The following CCNA2 variants were observed in gnomAD, a reference collection of about 807,000 sequenced individuals.
The protein encoded by CCNA2 is cyclin-A2.
CCNA2 carries 3 observed loss-of-function variants against 49.4 expected under a neutral mutation model. The ratio of observed to expected loss-of-function variants is 0.06; its 90% confidence interval spans 0.03 to 0.16. CCNA2 has a LOEUF of 0.16. CCNA2 is among the 10% of genes least tolerant of loss of function. The pLI is 1.00. For synonymous variants in CCNA2, 206 were observed against 197.2 expected, an observed-to-expected ratio of 1.04 and a Z score of -0.37; for missense variants, 372 against 519.7, an observed-to-expected ratio of 0.72 and a Z score of 2.76.
Position 121,819,357 on chromosome 4 carries a change from T to C in CCNA2, c.1002+15A>G. Reference sequence around the variant, plus strand: ...ACCAAAGAATCACCATTCAACAAAATGAAAGTTAACTCACCATTGCTAAAC... The same window carrying C: ...ACCAAAGAATCACCATTCAACAAAACGAAAGTTAACTCACCATTGCTAAAC... On this transcript the variant is annotated intron_variant, in intron 5 of 7. Coordinates refer to ENST00000274026, the MANE Select transcript of CCNA2 (RefSeq NM_001237.5). 1 of 1,597,612 alleles carries C rather than the reference T, an allele frequency of 6.3e-7. No individual in the cohort carries two copies. Among genetic ancestry groups the C allele is most frequent in the Non-Finnish European group, 8.6e-7 (1 of 1,165,318 alleles).
chr4:121,823,818 G>T lies in CCNA2; in HGVS notation c.-190C>A. On this transcript the variant is annotated 5_prime_UTR_variant, in exon 1 of 8. Transcript: ENST00000274026. ...ACGCAGGGCCGAGGAGGTTGCGAAAGGCGCAGGCAGGCACTGCCCAGCGTG... is the reference window on the plus strand; with the variant it reads ...ACGCAGGGCCGAGGAGGTTGCGAAATGCGCAGGCAGGCACTGCCCAGCGTG... The T allele has an allele frequency of 9.2e-7, 1 of 1,088,480 alleles. No homozygotes were observed. The highest frequency in any genetic ancestry group is 1.3e-6 in the Non-Finnish European group (1 of 794,700). 67.4% of individuals were successfully genotyped at this position (1,088,480 alleles called of 1,614,324 possible). A position where few individuals can be genotyped will look rare whatever the true frequency, so the allele number is the denominator to read the frequency against.
chr4:121,817,639 T>C lies in CCNA2; in HGVS notation c.1298A>G (p.Ter433=). ...GAAAACAAAGGCAGTCTTTCATTGTTACAGATTTAGTGTCTCTGGTGGGTT... is the reference window on the plus strand; with the variant it reads ...GAAAACAAAGGCAGTCTTTCATTGTCACAGATTTAGTGTCTCTGGTGGGTT... ...LLNPPETLNL[*] Residue 433 remains the stop codon, a stop_retained_variant, in exon 8 of 8, where the codon TAA becomes TGA. Transcript: ENST00000274026. 6.2e-7 allele frequency: 1 copy of C among 1,614,022 alleles called. No homozygotes were observed. Among genetic ancestry groups the C allele is most frequent in the Non-Finnish European group, 8.5e-7 (1 of 1,179,934 alleles).
Position 121,822,712 on chromosome 4 carries a change from G to C in CCNA2, c.214-66C>G, listed in dbSNP as rs1373853460. The C allele has an allele frequency of 4.6e-6, 7 of 1,518,412 alleles. No homozygotes were observed. In the African/African-American group the frequency reaches 8.4e-5, roughly 18 times the overall value. 94.1% of individuals were successfully genotyped at this position (1,518,412 alleles called of 1,614,324 possible). A position where few individuals can be genotyped will look rare whatever the true frequency, so the allele number is the denominator to read the frequency against. On this transcript the variant is annotated intron_variant, in intron 1 of 7. Coordinates refer to ENST00000274026, the MANE Select transcript of CCNA2 (RefSeq NM_001237.5). Reference sequence around the variant, plus strand: ...TGCATTCTTTCTCTTATGGGTGTTGGCCTTTGCTTTTTCTCCCAAATACTC... The same window carrying C: ...TGCATTCTTTCTCTTATGGGTGTTGCCCTTTGCTTTTTCTCCCAAATACTC...
intron 6 of CCNA2, among the ~76,000 whole-genome samples, chr4:121,818,571 T>C (rs1009518226): frequency 1.3e-5 from 2 of 152,182 alleles, no homozygotes; most frequent in African/African-American, 4.8e-5. Context: ...ATATGGGTTG[T>C]GAATCCCCTG....
rs926344308 is a variant in CCNA2, at chr4:121,817,125, G to A, written c.*513C>T. The A allele has an allele frequency of 5.7e-6, 2 of 348,610 alleles. No individual in the cohort carries two copies. Among genetic ancestry groups the A allele is most frequent in the South Asian group, 4.4e-5 (1 of 22,782 alleles). 21.6% of individuals were successfully genotyped at this position (348,610 alleles called of 1,614,324 possible). On this transcript the variant is annotated 3_prime_UTR_variant, in exon 8 of 8. Transcript: ENST00000274026. ...TAAACAAACAGGTTTTACAAAGAGCGAAAAAGTCTGGGGAATCTCTACTGT... is the reference window on the plus strand; with the variant it reads ...TAAACAAACAGGTTTTACAAAGAGCAAAAAAGTCTGGGGAATCTCTACTGT...
intron 6 of CCNA2, 87 bp downstream of exon 6, chr4:121,818,713 A>G: frequency 1.2e-6 from 1 of 851,312 alleles, no homozygotes; most frequent in Non-Finnish European, 2.0e-6. Flanking sequence ...ACATCTAGGC[A>G]ACCCTCAGTT....
At chr4:121,817,718 T>G (rs1724579209) in intron 7 of CCNA2, 32 bp from the exon 8 acceptor site, 1 of 1,613,060 alleles carries the variant, frequency 6.2e-7, no homozygotes, top group Admixed American at 1.7e-5. Context: ...GCATTTTTAG[T>G]AAACACTCAC....
chr4:121,823,267 C>A, intron 1 of CCNA2, 149 bp downstream of exon 1: 3 of 982,830 alleles, frequency 3.1e-6, no homozygotes, highest in Non-Finnish European at 4.4e-6. Flanking sequence ...CCTACTGTGG[C>A]AAACCACACA....
At chr4:121,823,258 C>T (rs941576478) in intron 1 of CCNA2, among the ~76,000 whole-genome samples, 158 bp downstream of exon 1, 1 of 152,168 alleles carries the variant, frequency 6.6e-6, no homozygotes, top group Non-Finnish European at 1.5e-5. Context: ...GGGAGAACTC[C>T]TACTGTGGCA....
chr4:121,818,755 G>T, intron 6 of CCNA2, 45 bp downstream of exon 6: 2 of 1,142,934 alleles, frequency 1.7e-6, no homozygotes, highest in Non-Finnish European at 2.7e-6. Flanking sequence ...ATCTGGCACA[G>T]GCATTTCAGT....
In CCNA2 at chr4:121,816,950, T is replaced by C. The variant is rs949102818; in HGVS notation, c.*688A>G. The C allele has an allele frequency of 8.3e-7, 1 of 1,201,812 alleles. No homozygotes were observed. The highest frequency in any genetic ancestry group is 1.1e-6 in the Non-Finnish European group (1 of 895,486). The allele number at this position is 1,201,812 out of a possible 1,614,324, so 74.4% of individuals were successfully genotyped here. A position where few individuals can be genotyped will look rare whatever the true frequency, so the allele number is the denominator to read the frequency against. Reference sequence around the variant, plus strand: ...GTATTTTTTATTCACAAATCCATTATAAAATCTAGCAGGATTTTAAAAATA... The same window carrying C: ...GTATTTTTTATTCACAAATCCATTACAAAATCTAGCAGGATTTTAAAAATA... On this transcript the variant is annotated 3_prime_UTR_variant, in exon 8 of 8. Transcript: ENST00000274026.
rs551167564 is a variant in CCNA2, at chr4:121,818,976, T to A, written c.1003-63A>T. The A allele has an allele frequency of 4.5e-4, 483 of 1,074,742 alleles. 5 individuals are homozygous for A. The South Asian group carries it at 5.6e-3, about 13-fold the overall frequency. 66.6% of individuals were successfully genotyped at this position (1,074,742 alleles called of 1,614,324 possible). ...AGAATTCAAATGTCAAACCTCTGCC[T>A]TCTAACCTAATTTTTTCCTGCCTTT... On this transcript the variant is annotated intron_variant, in intron 5 of 7. Transcript: ENST00000274026.
chr4:121,816,938 A>G lies in CCNA2; in HGVS notation c.*700T>C, dbSNP rs1724540196. 14 of 1,270,866 alleles carry G rather than the reference A, an allele frequency of 1.1e-5. No homozygotes were observed. In the East Asian group the frequency reaches 3.8e-4, roughly 35 times the overall value. The allele number at this position is 1,270,866 out of a possible 1,614,324, so 78.7% of individuals were successfully genotyped here. A position where few individuals can be genotyped will look rare whatever the true frequency, so the allele number is the denominator to read the frequency against. On this transcript the variant is annotated 3_prime_UTR_variant, in exon 8 of 8. Coordinates refer to ENST00000274026, the MANE Select transcript of CCNA2 (RefSeq NM_001237.5). Reference sequence around the variant, plus strand: ...TGAGAACCCTGGGTATTTTTTATTCACAAATCCATTATAAAATCTAGCAGG... The same window carrying G: ...TGAGAACCCTGGGTATTTTTTATTCGCAAATCCATTATAAAATCTAGCAGG...
rs1161801375 is a variant in CCNA2 at position 121,820,991 on chromosome 4, A to G, written c.558T>C (p.Leu186=). 8.7e-6 allele frequency: 14 copies of G among 1,611,692 alleles called. No individual in the cohort carries two copies. The highest frequency in any genetic ancestry group is 8.3e-5 in the Admixed American group (5 of 59,932). Reference sequence around the variant, plus strand: ...AGAGAACCTTTACCTCCATTTCCCTAAGGTATGTGTGAATATCCTCATGGT... The same window carrying G: ...AGAGAACCTTTACCTCCATTTCCCTGAGGTATGTGTGAATATCCTCATGGT... ...PDYHEDIHTY[L]REMEVKCKPK... Residue 186 remains leucine, a synonymous_variant, in exon 3 of 8, where the codon CTT becomes CTC. Transcript: ENST00000274026. The surrounding 1 kb of genome is among the most constrained non-coding windows in gnomAD (Gnocchi z 4.1).
Position 121,822,547 on chromosome 4 carries a change from C to T in CCNA2, c.313G>A (p.Glu105Lys). The T allele has an allele frequency of 1.2e-6, 2 of 1,614,146 alleles. No homozygotes were observed. The highest frequency in any genetic ancestry group is 2.7e-5 in the African/African-American group (2 of 75,036). Residue 105 changes from glutamate to lysine, a missense_variant, in exon 2 of 8, where the codon GAA becomes AAA. By Grantham distance (56) the Glu-to-Lys change is moderately conservative. This residue lies in a region of CCNA2 where 217 missense variants were observed against 231.7 expected (regional missense o/e 0.94). Coordinates refer to ENST00000274026, the MANE Select transcript of CCNA2 (RefSeq NM_001237.5). ...TTCTTCTGAGCTTCTTTTTCTGCTT[C>T]ATCCACATGAATGGTGAACGCAGGC... ...KQPAFTIHVDEAEKEAQKKPA... is the reference protein window; with the variant it reads ...KQPAFTIHVDKAEKEAQKKPA...
Position 121,820,211 on chromosome 4 carries a change from G to A in CCNA2, c.794+331C>T, listed in dbSNP as rs933133172. Among the ~76,000 whole-genome samples, 8 of 152,096 alleles carry A rather than the reference G, an allele frequency of 5.3e-5. No homozygotes were observed. Among genetic ancestry groups the A allele is most frequent in the Non-Finnish European group, 8.8e-5 (6 of 68,022 alleles). ...CCACCTCGGCCTCCCAAAGTGCTGG[G>A]ATTACAGGCGCGAGCCACCGCACCC... On this transcript the variant is annotated intron_variant, in intron 4 of 7. Transcript: ENST00000274026. The surrounding 1 kb of genome is among the most constrained non-coding windows in gnomAD (Gnocchi z 4.1).
rs780804921 is a variant in CCNA2, at chr4:121,816,911, T to C, written c.*727A>G. Reference sequence around the variant, plus strand: ...CTATTAAAAGGGATATTTATTCCATTCTGAGAACCCTGGGTATTTTTTATT... The same window carrying C: ...CTATTAAAAGGGATATTTATTCCATCCTGAGAACCCTGGGTATTTTTTATT... On this transcript the variant is annotated 3_prime_UTR_variant, in exon 8 of 8. Transcript: ENST00000274026. The C allele has an allele frequency of 1.8e-5, 25 of 1,419,786 alleles. No homozygotes were observed. Among genetic ancestry groups the C allele is most frequent in the Non-Finnish European group, 2.3e-5 (25 of 1,065,256 alleles). The allele number at this position is 1,419,786 out of a possible 1,614,324, so 87.9% of individuals were successfully genotyped here.
At position 121,820,104 on chromosome 4, in the gene CCNA2, C is replaced by T. The variant is rs557653500; in HGVS notation, c.794+438G>A. On this transcript the variant is annotated intron_variant, in intron 4 of 7. Transcript: ENST00000274026. This position sits in a 1 kb window ranked among gnomAD's most constrained non-coding sequence, Gnocchi z 4.1. ...TACAGGCATGCATCACCATGCCCAG[C>T]TAATTTTTGTATTTTTAGTAGAGAC... Among the ~76,000 whole-genome samples the T allele has an allele frequency of 6.6e-6, 1 of 152,024 alleles. No homozygotes were observed. Among genetic ancestry groups the T allele is most frequent in the South Asian group, 2.1e-4 (1 of 4,812 alleles).
At chr4:121,821,213 A>G in intron 2 of CCNA2, 122 bp from the exon 3 acceptor site, 1 of 1,219,440 alleles carries the variant, frequency 8.2e-7, no homozygotes, top group Non-Finnish European at 1.1e-6. Context: ...AACTAAAAAG[A>G]GCTTCTCATG....
Sources: allele counts gnomAD v4.1 joint callset (sites outside exome capture counted in the v4.1 genomes callset), GRCh38; gene constraint gnomAD v4.1.1; regional missense constraint gnomAD v4.1.1; non-coding constraint Gnocchi (gnomAD v3.1); transcripts MANE v1.5; gene names NCBI Gene and HGNC (gene_info 2026-07-23, HGNC 2026-07-21).